Variants in DNAAF2 observed in about 807,000 individuals in gnomAD.
The protein encoded by DNAAF2 is protein kintoun.
In DNAAF2, 58 loss-of-function variants were observed where a neutral mutation model predicts 48.8. The observed-to-expected ratio is 1.19, with a 90% confidence interval of 0.96 to 1.48. The LOEUF is 1.48. Ranked by LOEUF, DNAAF2 falls within the 40% of genes most tolerant of loss-of-function variation. DNAAF2 has a pLI of 0.00. For missense variants in DNAAF2, 1,241 were observed against 1,116.1 expected (o/e 1.11, Z -1.59); for synonymous variants, 567 against 481.2 (o/e 1.18, Z -2.33).
rs71441237 is a variant in DNAAF2 at position 49,630,669 on chromosome 14, C to CCACACACACACACACACACACACACA, written c.1864-2540_1864-2515dup. 5.9e-4 allele frequency among the ~76,000 whole-genome samples: 78 copies of CCACACACACACACACACACACACACA among 132,554 alleles called. 3 individuals carry two copies. Among genetic ancestry groups the CCACACACACACACACACACACACACA allele is most frequent in the Non-Finnish European group, 8.7e-4 (55 of 62,996 alleles). The allele number at this position is 132,554 out of a possible 152,430, so 87.0% of individuals were successfully genotyped here. On this transcript the variant is annotated intron_variant, in intron 1 of 2. Transcript: ENST00000298292. The stretch of plus-strand genomic sequence containing the variant: ...ATTTTGGCCCAAATAAACTCTCTCT[C>CCACACACACACACACACACACACACA]CACACACACACACACACACACACAC...
Position 49,634,881 on chromosome 14 carries a change from A to G in DNAAF2, c.269T>C (p.Val90Ala). 6.5e-7 allele frequency: 1 copy of G among 1,549,352 alleles called. No homozygotes were observed. Among genetic ancestry groups the G allele is most frequent in the Non-Finnish European group, 8.7e-7 (1 of 1,146,442 alleles). ...TSLDGARRCF[V>A]NVCSNALVGA... ...CACCAACGCGTTGCTGCAGACATTC[A>G]CAAAGCAGCGCCGCGCCCCGTCCAG... The change falls in exon 1 of 3, where the codon GTG (valine) becomes GCG (alanine). Residue 90 changes from valine to alanine, a missense_variant. Physicochemically the swap from Val to Ala is moderately conservative, Grantham distance 64. Coordinates refer to ENST00000298292, the MANE Select transcript of DNAAF2 (RefSeq NM_018139.3).
At position 49,634,457 on chromosome 14, in the gene DNAAF2, CG is replaced by C; in HGVS notation, c.692del (p.Pro231ArgfsTer54). The C allele has an allele frequency of 6.4e-7, 1 of 1,562,682 alleles. No homozygotes were observed. Reference sequence around the variant, plus strand: ...AGGGCGCCCGGGGCCCGGGGGCTGCCGGGTACTGGTAAGGGTAGGGGAAGTC... The same window carrying C: ...AGGGCGCCCGGGGCCCGGGGGCTGCCGGTACTGGTAAGGGTAGGGGAAGTC... ...LPDFPYPYQY[P>X]AAPGPRAPSP... On this transcript the variant is annotated frameshift_variant, in exon 1 of 3. Coordinates refer to ENST00000298292, the MANE Select transcript of DNAAF2 (RefSeq NM_018139.3). LOFTEE classifies it high-confidence loss of function.
chr14:49,629,900 G>C (rs1173581645), intron 1 of DNAAF2: 1 of 151,998 alleles, frequency 6.6e-6, no homozygotes, highest in Admixed American at 6.6e-5. Flanking sequence ...ATATATTCAG[G>C]GCATTTTGAA....
Position 49,635,097 on chromosome 14 carries a change from T to C in DNAAF2, c.53A>G (p.Glu18Gly). 6.3e-7 allele frequency: 1 copy of C among 1,580,612 alleles called. No homozygotes were observed. The highest frequency in any genetic ancestry group is 8.6e-7 in the Non-Finnish European group (1 of 1,164,222). The change falls in exon 1 of 3, where the codon GAG (glutamate) becomes GGG (glycine). Residue 18 changes from glutamate (E) to glycine (G), a missense_variant. Transcript: ENST00000298292. ...GGCGGAGGTGAGCCGCTGGACCTCC[T>C]CTCCGCTCAGGTCCAAGTCCTCCAG... ...SSLEDLDLSG[E>G]EVQRLTSAFQ...
chr14:49,628,647 G>C (rs1023952318), intron 1 of DNAAF2, among the ~76,000 whole-genome samples: 2 of 152,114 alleles, frequency 1.3e-5, no homozygotes, highest in Non-Finnish European at 2.9e-5. Context: ...TAGAGATGGG[G>C]TTTTACCATG....
chr14:49,634,406 G>T lies in DNAAF2; in HGVS notation c.744C>A (p.Pro248=). The change falls in exon 1 of 3, where the codon CCC becomes CCA. Residue 248 remains proline, a synonymous_variant. Transcript: ENST00000298292. ...CGCTGTAGCGAGGCTCGGTGGGGGC[G>T]GGCTGCAAGGCCGCTTCCGGAGGGG... The part of the protein sequence containing the change: ...APSPPEAALQ[P]APTEPRYSVV... 6.3e-7 allele frequency: 1 copy of T among 1,580,324 alleles called. No homozygotes were observed. The highest frequency in any genetic ancestry group is 1.1e-5 in the South Asian group (1 of 89,418).
chr14:49,627,216 T>C (rs1883031608), intron 2 of DNAAF2, among the ~76,000 whole-genome samples: 1 of 152,342 alleles, frequency 6.6e-6, no homozygotes, highest in African/African-American at 2.4e-5. Context: ...TTAACAGTTA[T>C]AAGCACATTG....
intron 2 of DNAAF2, among the ~76,000 whole-genome samples, chr14:49,626,784 TA>T (rs919001022): frequency 3.6e-5 from 5 of 139,618 alleles, no homozygotes; most frequent in Admixed American, 1.5e-4. Context: ...CCATCACGAC[TA>T]GTCTGCTGCC....
chr14:49,627,005 T>C (rs1431743209), intron 2 of DNAAF2, among the ~76,000 whole-genome samples: 2 of 151,830 alleles, frequency 1.3e-5, no homozygotes, highest in Middle Eastern at 3.4e-3. Flanking sequence ...GGGGTTTCAC[T>C]GTTGGCCAGG....
Position 49,634,810 on chromosome 14 carries a change from C to A in DNAAF2, c.340G>T (p.Ala114Ser). 2 of 1,552,790 alleles carry A rather than the reference C, an allele frequency of 1.3e-6. No homozygotes were observed. Among genetic ancestry groups the A allele is most frequent in the Non-Finnish European group, 1.7e-6 (2 of 1,151,580 alleles). The change falls in exon 1 of 3, where the codon GCT becomes TCT. Residue 114 changes from alanine (A) to serine (S), a missense_variant. Ala to Ser is a moderately conservative substitution (Grantham distance 99). Transcript: ENST00000298292. Reference protein sequence around the residue: ...RPGSGGDRGAAPGSHWSLPYS... With the variant: ...RPGSGGDRGASPGSHWSLPYS... ...GGCAGGGACCAGTGGCTGCCAGGAG[C>A]TGCGCCCCGGTCGCCACCGGAGCCG...
intron 1 of DNAAF2, among the ~76,000 whole-genome samples, chr14:49,632,988 C>T (rs1446247331): frequency 6.6e-6 from 1 of 151,532 alleles, no homozygotes; most frequent in Non-Finnish European, 1.5e-5. Context: ...GTGGCGCGAT[C>T]TTGGCTCACT....
chr14:49,634,078 C>A lies in DNAAF2; in HGVS notation c.1072G>T (p.Ala358Ser). 6.5e-7 allele frequency: 1 copy of A among 1,536,192 alleles called. No individual in the cohort carries two copies. Among genetic ancestry groups the A allele is most frequent in the South Asian group, 1.2e-5 (1 of 83,274 alleles). Residue 358 changes from alanine to serine, a missense_variant, in exon 1 of 3, where the codon GCT (alanine) becomes TCT (serine). Physicochemically the swap from Ala to Ser is moderately conservative, Grantham distance 99 (BLOSUM62 1). Transcript: ENST00000298292. ...VVLPAARREPAVAVAAAAPEE... is the reference protein window; with the variant it reads ...VVLPAARREPSVAVAAAAPEE... Reference sequence around the variant, plus strand: ...GGCGCGGCGGCGGCGACGGCGACAGCGGGCTCCCGGCGCGCGGCCGGCAGC... The same window carrying A: ...GGCGCGGCGGCGGCGACGGCGACAGAGGGCTCCCGGCGCGCGGCCGGCAGC...
chr14:49,634,766 G>T lies in DNAAF2; in HGVS notation c.384C>A (p.Gly128=), dbSNP rs200484042. 754 of 1,593,794 alleles carry T rather than the reference G, an allele frequency of 4.7e-4. 13 individuals carry two copies. The East Asian group carries it at 0.017, about 36-fold the overall frequency. The change falls in exon 1 of 3, where the codon GGC becomes GGA. Residue 128 remains glycine (G), a synonymous_variant. Transcript: ENST00000298292. ...TGCTGCTGCGCCCCGCGTACTCGCG[G>T]CCGGGCGCCAGGCTGTAGGGCAGGG... ...HWSLPYSLAP[G]REYAGRSSSR...
At chr14:49,631,707 C>T (rs1883170241) in intron 1 of DNAAF2, among the ~76,000 whole-genome samples, 1 of 152,166 alleles carries the variant, frequency 6.6e-6, no homozygotes, top group Admixed American at 6.5e-5. Context: ...AAGTTACTGA[C>T]CTCAGAGGCT....
At position 49,633,940 on chromosome 14, in the gene DNAAF2, C is replaced by T; in HGVS notation, c.1210G>A (p.Val404Met). Residue 404 changes from valine (V) to methionine (M), a missense_variant, in exon 1 of 3, where the codon GTG (valine) becomes ATG (methionine). By Grantham distance (21) the Val-to-Met change is conservative (BLOSUM62 1). Coordinates refer to ENST00000298292, the MANE Select transcript of DNAAF2 (RefSeq NM_018139.3). ...RAEDGGHDTC[V>M]AGAAGSGVTT... ...ACCCCGGAGCCCGCAGCCCCAGCCA[C>T]GCAGGTATCGTGGCCTCCGTCCTCC... 6.5e-7 allele frequency: 1 copy of T among 1,531,308 alleles called. No individual in the cohort carries two copies. The highest frequency in any genetic ancestry group is 1.2e-5 in the South Asian group (1 of 83,746). The allele number at this position is 1,531,308 out of a possible 1,614,324, so 94.9% of individuals were successfully genotyped here. A position where few individuals can be genotyped will look rare whatever the true frequency, so the allele number is the denominator to read the frequency against.
chr14:49,633,920 G>A lies in DNAAF2; in HGVS notation c.1230C>T (p.Ser410=), dbSNP rs1362062295. 1 of 1,532,232 alleles carries A rather than the reference G, an allele frequency of 6.5e-7. No individual in the cohort carries two copies. The highest frequency in any genetic ancestry group is 8.7e-7 in the Non-Finnish European group (1 of 1,145,408). 94.9% of individuals were successfully genotyped at this position (1,532,232 alleles called of 1,614,324 possible). The part of the protein sequence containing the change: ...HDTCVAGAAG[S]GVTTLGDPEV... ...CCGGGTCGCCCAGGGTGGTGACCCC[G>A]GAGCCCGCAGCCCCAGCCACGCAGG... Residue 410 remains serine (S), a synonymous_variant, in exon 1 of 3, where the codon TCC becomes TCT. Coordinates refer to ENST00000298292, the MANE Select transcript of DNAAF2 (RefSeq NM_018139.3).
chr14:49,626,158 A>G, intron 2 of DNAAF2, 110 bp from the exon 3 acceptor site: 1 of 859,394 alleles, frequency 1.2e-6, no homozygotes, highest in South Asian at 3.8e-5. Flanking sequence ...TAGCCCTTAC[A>G]GACCTGCAGG....
chr14:49,634,431 G>T lies in DNAAF2; in HGVS notation c.719C>A (p.Ser240Tyr), dbSNP rs779083314. The T allele has an allele frequency of 5.1e-6, 8 of 1,564,028 alleles. No individual in the cohort carries two copies. Among genetic ancestry groups the T allele is most frequent in the Non-Finnish European group, 6.1e-6 (7 of 1,157,022 alleles). ...GGGCTGCAAGGCCGCTTCCGGAGGG[G>T]AGGGCGCCCGGGGCCCGGGGGCTGC... ...YPAAPGPRAP[S>Y]PPEAALQPAP... Residue 240 changes from serine to tyrosine, a missense_variant, in exon 1 of 3, where the codon TCC (serine) becomes TAC (tyrosine). Transcript: ENST00000298292.
At position 49,633,947 on chromosome 14, in the gene DNAAF2, A is replaced by G. The variant is rs1038806038; in HGVS notation, c.1203T>C (p.Asp401=). The G allele has an allele frequency of 6.5e-7, 1 of 1,530,832 alleles. No homozygotes were observed. The highest frequency in any genetic ancestry group is 2.0e-5 in the Admixed American group (1 of 50,414). The allele number at this position is 1,530,832 out of a possible 1,614,324, so 94.8% of individuals were successfully genotyped here. A position where few individuals can be genotyped will look rare whatever the true frequency, so the allele number is the denominator to read the frequency against. Residue 401 remains aspartate, a synonymous_variant, in exon 1 of 3, where the codon GAT becomes GAC. Coordinates refer to ENST00000298292, the MANE Select transcript of DNAAF2 (RefSeq NM_018139.3). The part of the protein sequence containing the change: ...ARSRAEDGGH[D]TCVAGAAGSG... ...AGCCCGCAGCCCCAGCCACGCAGGT[A>G]TCGTGGCCTCCGTCCTCCGCGCGAC...
Sources: allele counts gnomAD v4.1 joint callset (sites outside exome capture counted in the v4.1 genomes callset), GRCh38; gene constraint gnomAD v4.1.1; transcripts MANE v1.5; gene names NCBI Gene and HGNC (gene_info 2026-07-23, HGNC 2026-07-21).